CEP57L1: variants seen among roughly 807,000 people sequenced by gnomAD.
CEP57L1 encodes centrosomal protein 57 like 1, also known as centrosomal protein CEP57L1.
In CEP57L1, 37 loss-of-function variants were observed where a neutral mutation model predicts 61.0. The observed-to-expected ratio is 0.61, with a 90% CI of 0.47 to 0.80. CEP57L1 has a LOEUF of 0.80. Among genes scored for constraint, CEP57L1 ranks in the 30% least tolerant of loss-of-function variants. The probability of loss-of-function intolerance (pLI) is 0.00; values close to 1 mark genes in which losing one functional copy is unlikely to be tolerated. For missense variants in CEP57L1, 422 were observed against 524.7 expected, an observed-to-expected ratio of 0.80 and a Z score of 1.91; for synonymous variants, 137 against 162.3, an observed-to-expected ratio of 0.84 and a Z score of 1.19.
intron 1 of CEP57L1, among the ~76,000 whole-genome samples, chr6:109,127,906 A>G (rs9486996): frequency 0.46 from 70,132 of 151,748 alleles, 19,503 homozygotes; most frequent in African/African-American, 0.78. Flanking sequence ...GGGATTACAG[A>G]CATGAGCCAC....
Position 109,150,066 on chromosome 6 carries a change from C to T in CEP57L1, c.341-52C>T, listed in dbSNP as rs1007740179. On this transcript the variant is annotated intron_variant, in intron 3 of 10. Transcript: ENST00000517392. ...GATATACAATCATGTCATCTGCAAA[C>T]AGGGACAATTTGACTTCCTCTTTTC... The T allele has an allele frequency of 2.6e-6, 3 of 1,137,042 alleles. No individual in the cohort carries two copies. The Admixed American group carries it at 5.5e-5, about 21-fold the overall frequency. The allele number at this position is 1,137,042 out of a possible 1,614,324, so 70.4% of individuals were successfully genotyped here. A position where few individuals can be genotyped will look rare whatever the true frequency, so the allele number is the denominator to read the frequency against.
intron 7 of CEP57L1, chr6:109,158,081 G>C (rs1449704613): frequency 6.6e-6 from 1 of 152,358 alleles, no homozygotes; most frequent in Non-Finnish European, 1.5e-5. Flanking sequence ...TTTTGTGGTT[G>C]GCTTTTTTCC....
At chr6:109,103,612 A>G (rs1056045005) in intron 1 of CEP57L1, among the ~76,000 whole-genome samples, 5 of 152,136 alleles carry the variant, frequency 3.3e-5, no homozygotes, top group Non-Finnish European at 7.4e-5. Flanking sequence ...ACTCTTCAGT[A>G]TTTTCTCCAG....
intron 10 of CEP57L1, among the ~76,000 whole-genome samples, chr6:109,162,434 T>C (rs1448249318): frequency 6.6e-6 from 1 of 152,064 alleles, no homozygotes; most frequent in East Asian, 1.9e-4. Context: ...TTGGCCTTCT[T>C]ACATATACAC....
intron 1 of CEP57L1, among the ~76,000 whole-genome samples, chr6:109,138,734 T>G (rs1255276523): frequency 2.0e-5 from 3 of 152,208 alleles, no homozygotes; most frequent in African/African-American, 7.2e-5. Context: ...TTAAGATAAG[T>G]ATGACCGCCT....
chr6:109,100,672 C>CAAAAAAAAAAAA (rs539993641), intron 1 of CEP57L1, among the ~76,000 whole-genome samples: 1 of 74,020 alleles, frequency 1.4e-5, no homozygotes, highest in African/African-American at 5.1e-5. Context: ...GAGATTGTCT[C>CAAAAAAAAAAAA]AAAAAAAAAA....
intron 1 of CEP57L1, among the ~76,000 whole-genome samples, chr6:109,123,551 T>A (rs939816638): frequency 5.9e-5 from 9 of 152,310 alleles, no homozygotes; most frequent in African/African-American, 1.4e-4. Flanking sequence ...AGCTGTTTTT[T>A]AAAAAATGTT....
intron 4 of CEP57L1, among the ~76,000 whole-genome samples, chr6:109,153,343 G>GC (rs1772862937): frequency 7.0e-6 from 1 of 143,592 alleles, no homozygotes; most frequent in Non-Finnish European, 1.5e-5. Flanking sequence ...CCAGGCTCAA[G>GC]CAATCTTCTC....
intron 1 of CEP57L1, among the ~76,000 whole-genome samples, chr6:109,112,205 G>C (rs1001053263): frequency 6.6e-6 from 1 of 152,138 alleles, no homozygotes; most frequent in Admixed American, 6.5e-5. Context: ...TTCAGAACCT[G>C]TTATTGGTCT....
chr6:109,129,272 C>G (rs1402675238), intron 1 of CEP57L1: 1 of 794,518 alleles, frequency 1.3e-6, no homozygotes, highest in Non-Finnish European at 1.7e-6. Flanking sequence ...CCTTTAGTAT[C>G]TTTATTAACT....
At chr6:109,120,124 T>C (rs1450210332) in intron 1 of CEP57L1, among the ~76,000 whole-genome samples, 1 of 152,156 alleles carries the variant, frequency 6.6e-6, no homozygotes, top group African/African-American at 2.4e-5. Flanking sequence ...GTCATATTAT[T>C]CCCATTTTAT....
intron 1 of CEP57L1, among the ~76,000 whole-genome samples, chr6:109,110,142 T>G (rs1032589936): frequency 6.6e-6 from 1 of 152,224 alleles, no homozygotes; most frequent in Non-Finnish European, 1.5e-5. Flanking sequence ...TTGAACTAAT[T>G]TACACTCCCA....
chr6:109,107,827 G>C (rs1033538938), intron 1 of CEP57L1, among the ~76,000 whole-genome samples: 12 of 152,084 alleles, frequency 7.9e-5, no homozygotes, highest in African/African-American at 2.9e-4. Flanking sequence ...TGTAATCCCA[G>C]CTACTTGGGA....
At chr6:109,147,720 G>A (rs1772120510) in intron 3 of CEP57L1, among the ~76,000 whole-genome samples, 1 of 152,160 alleles carries the variant, frequency 6.6e-6, no homozygotes, top group Admixed American at 6.6e-5. Context: ...AAGAACAGGG[G>A]AAAATGAGAG....
intron 1 of CEP57L1, among the ~76,000 whole-genome samples, chr6:109,133,419 A>C (rs779258792): frequency 5.9e-5 from 9 of 152,310 alleles, no homozygotes; most frequent in Non-Finnish European, 1.5e-5. Flanking sequence ...AGCGGAGCTC[A>C]GGAGGTAATG....
chr6:109,159,025 A>C lies in CEP57L1; in HGVS notation c.745A>C (p.Lys249Gln), dbSNP rs921750527. The C allele has an allele frequency of 1.2e-6, 2 of 1,600,496 alleles. No individual in the cohort carries two copies. The highest frequency in any genetic ancestry group is 1.8e-5 in the Admixed American group (1 of 56,696). ...HSKEKKKSSKKTKCIKRRPPW... is the reference protein window; with the variant it reads ...HSKEKKKSSKQTKCIKRRPPW... The stretch of plus-strand genomic sequence containing the variant: ...ACGTTTTTTTCTTGCCAATCTCTAG[A>C]AAACTAAATGTATAAAGAGACGACC... The change falls in exon 8 of 11, where the codon AAA becomes CAA. Residue 249 changes from lysine to glutamine, a missense_variant and splice_region_variant. By Grantham distance (53) the Lys-to-Gln change is moderately conservative (BLOSUM62 1). Coordinates refer to ENST00000517392, the MANE Select transcript of CEP57L1 (RefSeq NM_001271852.3).
chr6:109,168,887 T>G lies in CEP57L1; in HGVS notation c.*5917T>G, dbSNP rs1461917150. 7.0e-6 allele frequency among the ~76,000 whole-genome samples: 1 copy of G among 142,864 alleles called. No individual in the cohort carries two copies. The highest frequency in any genetic ancestry group is 1.5e-5 in the Non-Finnish European group (1 of 66,498). 93.7% of individuals were successfully genotyped at this position (142,864 alleles called of 152,430 possible). A position where few individuals can be genotyped will look rare whatever the true frequency, so the allele number is the denominator to read the frequency against. ...CTGGGATTACAGGCGTGAGCCACCATGCCTGGCCAGCATTTTTTAAATGAT... is the reference window on the plus strand; with the variant it reads ...CTGGGATTACAGGCGTGAGCCACCAGGCCTGGCCAGCATTTTTTAAATGAT... On this transcript the variant is annotated 3_prime_UTR_variant, in exon 11 of 11. Transcript: ENST00000517392.
At chr6:109,137,019 C>T (rs2114806979) in intron 1 of CEP57L1, among the ~76,000 whole-genome samples, 1 of 152,226 alleles carries the variant, frequency 6.6e-6, no homozygotes, top group East Asian at 1.9e-4. Context: ...TCCCAAAGTG[C>T]AGGGATTATA....
rs1773093859 is a variant in CEP57L1 at position 109,155,222 on chromosome 6, T to C, written c.580-8T>C. The C allele has an allele frequency of 6.5e-7, 1 of 1,539,134 alleles. No homozygotes were observed. Among genetic ancestry groups the C allele is most frequent in the African/African-American group, 1.4e-5 (1 of 72,170 alleles). On this transcript the variant is annotated splice_region_variant and splice_polypyrimidine_tract_variant and intron_variant, in intron 5 of 10. Transcript: ENST00000517392. Reference sequence around the variant, plus strand: ...TATGTAACAATCTTAGTTTTTACTCTTTTGCAGGACAAGATTAAACATTTA... The same window carrying C: ...TATGTAACAATCTTAGTTTTTACTCCTTTGCAGGACAAGATTAAACATTTA...
Sources: allele counts gnomAD v4.1 joint callset (sites outside exome capture counted in the v4.1 genomes callset), GRCh38; gene constraint gnomAD v4.1.1; transcripts MANE v1.5; gene names NCBI Gene and HGNC (gene_info 2026-07-23, HGNC 2026-07-21).